Variants in VPS36 observed in about 807,000 individuals in gnomAD.
VPS36 encodes the protein vacuolar protein-sorting-associated protein 36.
In VPS36, 31 loss-of-function variants were observed where a neutral mutation model predicts 63.5. That is an observed-to-expected ratio of 0.49 (90% CI 0.37 to 0.66). The LOEUF is 0.66. VPS36 is among the 30% of genes least tolerant of loss of function. VPS36 has a pLI of 0.00. For missense variants in VPS36, 338 were observed against 463.7 expected, an observed-to-expected ratio of 0.73 and a Z score of 2.49; for synonymous variants, 138 against 157.2, an observed-to-expected ratio of 0.88 and a Z score of 0.91.
In VPS36 at chr13:52,432,352, AAAAACAAAAC is replaced by A. The variant is rs1043161772; in HGVS notation, c.528+1300_528+1309del. ...GGCGACAGAGCAAGACTCTGTCTCA[AAAAACAAAAC>A]AAAACAAAACAAAAAAACAAACAAA... On this transcript the variant is annotated intron_variant, in intron 6 of 13. Coordinates refer to ENST00000378060, the MANE Select transcript of VPS36 (RefSeq NM_016075.4). 5.3e-5 allele frequency among the ~76,000 whole-genome samples: 8 copies of A among 152,252 alleles called. 1 individual carries two copies. The Middle Eastern group carries it at 0.01, about 194-fold the overall frequency.
intron 10 of VPS36, among the ~76,000 whole-genome samples, chr13:52,419,802 C>T (rs547568149): frequency 1.3e-5 from 2 of 152,298 alleles, no homozygotes; most frequent in South Asian, 4.1e-4. Flanking sequence ...AGACAAATAT[C>T]ACATGTTCTC....
chr13:52,425,674 C>A, intron 9 of VPS36: 1 of 306,532 alleles, frequency 3.3e-6, no homozygotes. Context: ...CATATATTTC[C>A]TTTTTAAAAA....
intron 1 of VPS36, among the ~76,000 whole-genome samples, chr13:52,444,991 T>C (rs2137810085): frequency 6.6e-6 from 1 of 152,344 alleles, no homozygotes; most frequent in East Asian, 1.9e-4. Context: ...AAAACTGTTT[T>C]CTAAGAGTAA....
chr13:52,426,204 A>G, intron 8 of VPS36, 138 bp from the exon 9 acceptor site: 1 of 1,076,040 alleles, frequency 9.3e-7, no homozygotes. Flanking sequence ...TGTGAACTAT[A>G]AGGGAGCAGA....
At chr13:52,442,567 A>G in intron 1 of VPS36, 122 bp from the exon 2 acceptor site, 1 of 787,904 alleles carries the variant, frequency 1.3e-6, no homozygotes, top group Non-Finnish European at 2.0e-6. Context: ...CTTTTAGAAT[A>G]GGCTTATCAC....
intron 6 of VPS36, among the ~76,000 whole-genome samples, chr13:52,427,562 G>A (rs562462988): frequency 6.6e-6 from 1 of 151,602 alleles, no homozygotes; most frequent in Admixed American, 6.6e-5. Flanking sequence ...AGCCGAGATC[G>A]CGCCACTGCG....
chr13:52,439,374 T>C (rs1958250523), intron 2 of VPS36, among the ~76,000 whole-genome samples: 1 of 152,182 alleles, frequency 6.6e-6, no homozygotes, highest in Non-Finnish European at 1.5e-5. Context: ...TGGAAGAACA[T>C]AAGAAGTTTA....
At position 52,440,849 on chromosome 13, in the gene VPS36, G is replaced by A. The variant is rs187534063; in HGVS notation, c.165+1528C>T. On this transcript the variant is annotated intron_variant, in intron 2 of 13. Transcript: ENST00000378060. ...GCAGTCCCCAACCTTTTGTGTATCAGGGACCAGTTTCATGGAAGACAGTAT... is the reference window on the plus strand; with the variant it reads ...GCAGTCCCCAACCTTTTGTGTATCAAGGACCAGTTTCATGGAAGACAGTAT... 5.3e-5 allele frequency among the ~76,000 whole-genome samples: 8 copies of A among 152,252 alleles called. No homozygotes were observed. In the East Asian group the frequency reaches 1.5e-3, roughly 29 times the overall value.
chr13:52,425,798 A>G (rs1365488830), intron 9 of VPS36, 134 bp downstream of exon 9: 1 of 908,378 alleles, frequency 1.1e-6, no homozygotes, highest in Non-Finnish European at 1.5e-6. Flanking sequence ...TATTTAATAT[A>G]CCTGAAAGAA....
chr13:52,437,972 T>C (rs535489710), intron 3 of VPS36, among the ~76,000 whole-genome samples: 23 of 151,640 alleles, frequency 1.5e-4, no homozygotes, highest in Non-Finnish European at 3.2e-4. Context: ...TCTTCAGAGA[T>C]GTTAAAAGGT....
chr13:52,429,212 C>T (rs765131409), intron 6 of VPS36: 4 of 978,856 alleles, frequency 4.1e-6, no homozygotes, highest in Non-Finnish European at 4.9e-6. Context: ...CTTAAGCTGA[C>T]TTACAGCATG....
At chr13:52,446,931 G>A (rs1958349528) in intron 1 of VPS36, among the ~76,000 whole-genome samples, 1 of 148,680 alleles carries the variant, frequency 6.7e-6, no homozygotes, top group South Asian at 2.1e-4. Context: ...GCTGGAGTGC[G>A]ATGGTGCGAT....
At chr13:52,447,725 G>T (rs1958359684) in intron 1 of VPS36, among the ~76,000 whole-genome samples, 1 of 151,980 alleles carries the variant, frequency 6.6e-6, no homozygotes, top group South Asian at 2.1e-4. Context: ...TCTTTGGGAA[G>T]ATTAGCTGTA....
intron 6 of VPS36, among the ~76,000 whole-genome samples, chr13:52,432,987 G>T (rs1299147788): frequency 6.6e-6 from 1 of 152,124 alleles, no homozygotes; most frequent in Non-Finnish European, 1.5e-5. Flanking sequence ...AAAAACCAAA[G>T]ATTTACTTTA....
chr13:52,419,643 G>A (rs1197906965), intron 10 of VPS36, among the ~76,000 whole-genome samples: 2 of 152,146 alleles, frequency 1.3e-5, no homozygotes, highest in Non-Finnish European at 2.9e-5. Flanking sequence ...CCACTGCTGG[G>A]TATATATCCA....
At chr13:52,425,794 A>C in intron 9 of VPS36, 138 bp downstream of exon 9, 1 of 859,980 alleles carries the variant, frequency 1.2e-6, no homozygotes, top group Non-Finnish European at 1.6e-6. Flanking sequence ...AACTTATTTA[A>C]TATACCTGAA....
chr13:52,419,667 G>C (rs753740397), intron 10 of VPS36, among the ~76,000 whole-genome samples: 3 of 152,172 alleles, frequency 2.0e-5, no homozygotes, highest in Non-Finnish European at 4.4e-5. Context: ...GAAAGGAAAG[G>C]AGTGTATCAA....
rs1469515069 is a variant in VPS36, at chr13:52,414,178, G to A, written c.*1652C>T. The A allele has an allele frequency of 6.6e-6, 1 of 152,134 alleles. No homozygotes were observed. The highest frequency in any genetic ancestry group is 1.5e-5 in the Non-Finnish European group (1 of 68,036). 9.4% of individuals were successfully genotyped at this position (152,134 alleles called of 1,614,324 possible). ...TTAAAAGCCTTAGCCAGGTGAGAGA[G>A]AGAGAGAGTGTGTGTGTGTGTACAA... On this transcript the variant is annotated 3_prime_UTR_variant, in exon 14 of 14. Coordinates refer to ENST00000378060, the MANE Select transcript of VPS36 (RefSeq NM_016075.4).
rs938674823 is a variant in VPS36, at chr13:52,416,076, G to A, written c.1008C>T (p.Ser336=). The A allele has an allele frequency of 6.2e-7, 1 of 1,612,982 alleles. No homozygotes were observed. Among genetic ancestry groups the A allele is most frequent in the Non-Finnish European group, 8.5e-7 (1 of 1,179,780 alleles). The change falls in exon 13 of 14, where the codon TCC becomes TCT. Residue 336 remains serine, a synonymous_variant. Coordinates refer to ENST00000378060, the MANE Select transcript of VPS36 (RefSeq NM_016075.4). The part of the protein sequence containing the change: ...SALETVSEKG[S]LTSEEFAKLV... ...GCTTAGCAAACTCTTCTGATGTTAG[G>A]GATCCCTTTTCTGAAACCTAATAGA...
Sources: allele counts gnomAD v4.1 joint callset (sites outside exome capture counted in the v4.1 genomes callset), GRCh38; gene constraint gnomAD v4.1.1; transcripts MANE v1.5; gene names NCBI Gene and HGNC (gene_info 2026-07-23, HGNC 2026-07-21).